HEBP1: variants seen among roughly 807,000 people sequenced by gnomAD.
HEBP1 encodes the protein heme-binding protein 1.
A neutral mutation model predicts 20.4 loss-of-function variants in HEBP1; 13 were observed. The observed-to-expected ratio is 0.64, with a 90% confidence interval of 0.42 to 1.01. HEBP1 has a LOEUF of 1.01. Among genes scored for constraint, HEBP1 ranks in the 50% least tolerant of loss-of-function variants. The pLI is 0.00. For missense variants in HEBP1, 241 were observed against 247.3 expected (o/e 0.97, Z 0.17); for synonymous variants, 92 against 90.7 (o/e 1.01, Z -0.08).
In HEBP1 at chr12:12,982,866, T is replaced by A. The variant is rs147808467; in HGVS notation, c.398+4286A>T. ...GGAGGTGAAGTTAGGAGGAGGAGAA[T>A]AGGCTAACATTTACTGAGTGTCTAC... is the stretch of plus-strand genomic sequence containing the variant. On this transcript the variant is annotated intron_variant, in intron 3 of 3. Transcript: ENST00000014930. Among the ~76,000 whole-genome samples the A allele has an allele frequency of 3.0e-3, 461 of 152,318 alleles. 3 individuals carry two copies. The highest frequency in any genetic ancestry group is 0.01 in the African/African-American group (433 of 41,570).
chr12:12,978,011 C>T (rs1592397973), intron 3 of HEBP1, among the ~76,000 whole-genome samples: 2 of 152,210 alleles, frequency 1.3e-5, no homozygotes, highest in South Asian at 4.2e-4. Flanking sequence ...GATGACAGCA[C>T]TTAGGACCTA....
Position 12,987,149 on chromosome 12 carries a change from T to C in HEBP1, c.398+3A>G. Reference sequence around the variant, plus strand: ...ATGGATGCCTGAAGGATTGTCTCCTTACATGGAATAGACAGTGATGCCTTC... The same window carrying C: ...ATGGATGCCTGAAGGATTGTCTCCTCACATGGAATAGACAGTGATGCCTTC... On this transcript the variant is annotated splice_donor_region_variant and intron_variant, in intron 3 of 3. Transcript: ENST00000014930. The C allele has an allele frequency of 6.2e-7, 1 of 1,612,698 alleles. No individual in the cohort carries two copies. The highest frequency in any genetic ancestry group is 8.5e-7 in the Non-Finnish European group (1 of 1,178,936).
rs1439894417 is a variant in HEBP1 at position 12,998,024 on chromosome 12, G to A, written c.78+2013C>T. 6.6e-6 allele frequency among the ~76,000 whole-genome samples: 1 copy of A among 152,072 alleles called. No homozygotes were observed. Among genetic ancestry groups the A allele is most frequent in the Non-Finnish European group, 1.5e-5 (1 of 68,032 alleles). ...GTGGGTCCTTTGGATGCTCACAGCA[G>A]GACTGATATTAATAACTGGCATCCT... On this transcript the variant is annotated intron_variant, in intron 1 of 3. Coordinates refer to ENST00000014930, the MANE Select transcript of HEBP1 (RefSeq NM_015987.5). This position sits in a 1 kb window ranked among gnomAD's most constrained non-coding sequence, Gnocchi z 4.2.
intron 3 of HEBP1, 74 bp from the exon 4 acceptor site, chr12:12,975,553 T>A (rs1479550569): frequency 7.6e-7 from 1 of 1,314,918 alleles, no homozygotes; most frequent in African/African-American, 1.5e-5. Context: ...TAGAAAAAAG[T>A]CACTCACCAT....
chr12:12,997,597 C>T (rs1222147746), intron 1 of HEBP1, among the ~76,000 whole-genome samples: 1 of 152,134 alleles, frequency 6.6e-6, no homozygotes, highest in Admixed American at 6.5e-5. Flanking sequence ...CCAGTAGAGA[C>T]TCCCACTGAG....
At chr12:12,979,259 T>G (rs1490480237) in intron 3 of HEBP1, among the ~76,000 whole-genome samples, 1 of 152,186 alleles carries the variant, frequency 6.6e-6, no homozygotes, top group Non-Finnish European at 1.5e-5. Context: ...CCCCAATTCT[T>G]TACATTTATT....
rs1446838881 is a variant in HEBP1, at chr12:12,996,552, A to G, written c.78+3485T>C. Among the ~76,000 whole-genome samples, 10 of 152,200 alleles carry G rather than the reference A, an allele frequency of 6.6e-5. No individual in the cohort carries two copies. The highest frequency in any genetic ancestry group is 1.3e-4 in the Non-Finnish European group (9 of 68,044). On this transcript the variant is annotated intron_variant, in intron 1 of 3. Transcript: ENST00000014930. The surrounding 1 kb of genome is among the most constrained non-coding windows in gnomAD (Gnocchi z 4.1). ...TATGGTATGCCATCATTTGCCCAGG[A>G]GAGTGGACAATAGTTTCTGACCCAG...
chr12:12,981,958 C>T (rs1199531435), intron 3 of HEBP1, among the ~76,000 whole-genome samples: 1 of 152,150 alleles, frequency 6.6e-6, no homozygotes, highest in Non-Finnish European at 1.5e-5. Flanking sequence ...AAGGATGAAG[C>T]TCTTTTGTTC....
Position 12,975,336 on chromosome 12 carries a change from C to T in HEBP1, c.542G>A (p.Arg181His), listed in dbSNP as rs151291131. Residue 181 changes from arginine to histidine, a missense_variant, in exon 4 of 4, where the codon CGC (arginine) becomes CAC (histidine). Coordinates refer to ENST00000014930, the MANE Select transcript of HEBP1 (RefSeq NM_015987.5). ...YDPPMKPYGR[R>H]NEIWLLKT ...TGTCTTCAACAGCCAGATCTCATTGCGCCGTCCGTAGGGCTTCATGGGAGG... is the reference window on the plus strand; with the variant it reads ...TGTCTTCAACAGCCAGATCTCATTGTGCCGTCCGTAGGGCTTCATGGGAGG... The T allele has an allele frequency of 1.8e-4, 288 of 1,613,806 alleles. No individual in the cohort carries two copies. The highest frequency in any genetic ancestry group is 2.2e-4 in the Non-Finnish European group (261 of 1,179,942).
chr12:12,999,370 T>C (rs1864326817), intron 1 of HEBP1, among the ~76,000 whole-genome samples: 1 of 152,232 alleles, frequency 6.6e-6, no homozygotes, highest in Non-Finnish European at 1.5e-5. Flanking sequence ...TTGGGGCCAT[T>C]ACTAAGTAAA....
chr12:12,983,824 C>T (rs1294266758), intron 3 of HEBP1: 6 of 454,130 alleles, frequency 1.3e-5, no homozygotes, highest in Admixed American at 1.2e-4. Context: ...AAGAAACCAG[C>T]GTTCCTTAGA....
chr12:12,992,293 C>T (rs3782569), intron 1 of HEBP1, among the ~76,000 whole-genome samples: 108,014 of 152,146 alleles, frequency 0.71, 40,791 homozygotes, highest in East Asian at 0.97. Flanking sequence ...AACCTTCACC[C>T]CCCAGGTTCA....
intron 3 of HEBP1, 76 bp downstream of exon 3, chr12:12,987,076 G>T: frequency 8.4e-7 from 1 of 1,194,308 alleles, no homozygotes; most frequent in Non-Finnish European, 1.2e-6. Context: ...TGACGCGAAT[G>T]CTTGCCAGAG....
intron 2 of HEBP1, among the ~76,000 whole-genome samples, chr12:12,989,061 T>A (rs558435544): frequency 6.6e-6 from 1 of 152,342 alleles, no homozygotes; most frequent in East Asian, 1.9e-4. Context: ...TGAGCAGGGA[T>A]GCCTTCAAGT....
In HEBP1 at chr12:12,987,292, C is replaced by T; in HGVS notation, c.258G>A (p.Val86=). 6.2e-7 allele frequency: 1 copy of T among 1,614,022 alleles called. No homozygotes were observed. Among genetic ancestry groups the T allele is most frequent in the South Asian group, 1.1e-5 (1 of 91,076 alleles). Residue 86 remains valine (V), a synonymous_variant, in exon 3 of 4, where the codon GTG becomes GTA. Coordinates refer to ENST00000014930, the MANE Select transcript of HEBP1 (RefSeq NM_015987.5). ...GCAGAGAGCCATCTTCATTGGGGAA[C>T]ACAGCAAAGGAAATAGGGACTGTCA... ...MGMTVPISFA[V]FPNEDGSLQK...
intron 3 of HEBP1, chr12:12,983,222 A>T (rs576247552): frequency 6.5e-6 from 1 of 153,908 alleles, no homozygotes; most frequent in African/African-American, 2.4e-5. Context: ...GCCAAACTCT[A>T]ACTTAAGTGC....
At chr12:12,992,337 G>A (rs946813320) in intron 1 of HEBP1, among the ~76,000 whole-genome samples, 3 of 152,210 alleles carry the variant, frequency 2.0e-5, no homozygotes, top group Admixed American at 1.3e-4. Context: ...ACAAGTAGCT[G>A]AGACTACAGG....
In HEBP1 at chr12:12,987,262, C is replaced by T; in HGVS notation, c.288G>A (p.Lys96=). Residue 96 remains lysine (K), a synonymous_variant, in exon 3 of 4, where the codon AAG becomes AAA. Transcript: ENST00000014930. ...VFPNEDGSLQ[K]KLKVWFRIPN... Reference sequence around the variant, plus strand: ...GAATCCGGAACCAGACTTTTAATTTCTTCTGCAGAGAGCCATCTTCATTGG... The same window carrying T: ...GAATCCGGAACCAGACTTTTAATTTTTTCTGCAGAGAGCCATCTTCATTGG... The T allele has an allele frequency of 6.2e-7, 1 of 1,614,088 alleles. No individual in the cohort carries two copies. Among genetic ancestry groups the T allele is most frequent in the Non-Finnish European group, 8.5e-7 (1 of 1,180,002 alleles).
Position 13,000,185 on chromosome 12 carries a change from CGA to C in HEBP1, c.-73_-72del. 2 of 681,436 alleles carry C rather than the reference CGA, an allele frequency of 2.9e-6. 1 individual carries two copies. 42.2% of individuals were successfully genotyped at this position (681,436 alleles called of 1,614,324 possible). On this transcript the variant is annotated 5_prime_UTR_variant, in exon 1 of 4. Transcript: ENST00000014930. ...GGGGGCGACGGAGCACCACGGGCAG[CGA>C]CCACCGGCGGCAGGGCGGCAGGGCG... is the stretch of plus-strand genomic sequence containing the variant.
Sources: gnomAD v4.1 joint callset for allele counts (sites outside exome capture counted in the v4.1 genomes callset) on GRCh38, gnomAD v4.1.1 for gene constraint, Gnocchi (gnomAD v3.1) non-coding constraint, MANE v1.5 for transcripts, NCBI Gene and HGNC (gene_info 2026-07-23, HGNC 2026-07-21) for gene names.